IL1R2: variants seen among roughly 807,000 people sequenced by gnomAD.
IL1R2 encodes the protein interleukin-1 receptor type 2.
A neutral mutation model predicts 39.5 loss-of-function variants in IL1R2; 46 were observed. That is an observed-to-expected ratio of 1.16 (90% CI 0.92 to 1.49). The LOEUF (loss-of-function observed/expected upper bound fraction) is 1.49, where lower values mean the gene tolerates loss of function less well. Ranked by LOEUF, IL1R2 falls within the 40% of genes most tolerant of loss-of-function variation. The probability of loss-of-function intolerance (pLI) is 0.00; values close to 1 mark genes in which losing one functional copy is unlikely to be tolerated. For synonymous variants in IL1R2, 207 were observed against 189.6 expected, an observed-to-expected ratio of 1.09 and a Z score of -0.75; for missense variants, 537 against 502.0, an observed-to-expected ratio of 1.07 and a Z score of -0.67.
Position 102,015,957 on chromosome 2 carries a change from A to G in IL1R2, c.419A>G (p.Gln140Arg), listed in dbSNP as rs766781084. 5 of 1,613,994 alleles carry G rather than the reference A, an allele frequency of 3.1e-6. No homozygotes were observed. Among genetic ancestry groups the G allele is most frequent in the Non-Finnish European group, 4.2e-6 (5 of 1,179,882 alleles). The stretch of plus-strand genomic sequence containing the variant: ...TTCCTGCCGTTCATCTCATACCCGC[A>G]AATTTTAACCTTGTCAACCTCTGGG... ...DAFLPFISYP[Q>R]ILTLSTSGVL... Residue 140 changes from glutamine to arginine, a missense_variant, in exon 4 of 9, where the codon CAA becomes CGA. Gln to Arg is a conservative substitution (Grantham distance 43, BLOSUM62 1). Transcript: ENST00000332549.
rs1198434676 is a variant in IL1R2, at chr2:102,000,401, G to T, written c.-61-8114G>T. ...CCACTTCTCTGTCCAGGTACACTGT[G>T]CTCTTCTGTATACACTTTCTAACTC... On this transcript the variant is annotated intron_variant, in intron 1 of 8. Transcript: ENST00000332549. Among the ~76,000 whole-genome samples the T allele has an allele frequency of 3.3e-5, 5 of 152,290 alleles. No individual in the cohort carries two copies. The East Asian group carries it at 9.7e-4, about 29-fold the overall frequency.
chr2:102,007,990 T>G (rs1043199388), intron 1 of IL1R2, among the ~76,000 whole-genome samples: 1 of 152,196 alleles, frequency 6.6e-6, no homozygotes, highest in Non-Finnish European at 1.5e-5. Context: ...GGTCCCAAGT[T>G]TTTATTTTCC....
rs149120330 is a variant in IL1R2, at chr2:102,028,015, T to A, written c.1031-211T>A. On this transcript the variant is annotated intron_variant, in intron 8 of 8. Transcript: ENST00000332549. ...ACCCTACGATGTTTCTAACAGATTT[T>A]GCCCTATCACGCTCGTTTCTCTAAT... Among the ~76,000 whole-genome samples, 88 of 152,358 alleles carry A rather than the reference T, an allele frequency of 5.8e-4. No individual in the cohort carries two copies. The Middle Eastern group carries it at 0.014, about 24-fold the overall frequency.
chr2:102,008,689 G>T (rs763754545), intron 2 of IL1R2, 47 bp downstream of exon 2: 24 of 1,487,650 alleles, frequency 1.6e-5, no homozygotes, highest in Non-Finnish European at 2.3e-5. Flanking sequence ...CTGTAGCTTC[G>T]CTGGGGAAAG....
chr2:102,014,975 A>AATAATAATAATCATC (rs778619176), intron 3 of IL1R2, among the ~76,000 whole-genome samples: 1 of 138,350 alleles, frequency 7.2e-6, no homozygotes, highest in East Asian at 2.0e-4. Context: ...TAATAATAAT[A>AATAATAATAATCATC]ATCATATAAT....
In IL1R2 at chr2:102,008,586, T is replaced by A. The variant is rs1458012863; in HGVS notation, c.11T>A (p.Leu4Ter). Residue 4 changes from leucine to a stop codon, truncating the protein, a stop_gained, in exon 2 of 9, where the codon TTG becomes TAG. Transcript: ENST00000332549. LOFTEE classifies it high-confidence loss of function. The stretch of plus-strand genomic sequence containing the variant: ...AAGTTGTCAGGAGCAATGTTGCGCT[T>A]GTACGTGTTGGTAATGGGAGTTTCT... MLR[L>*]YVLVMGVSAF... is the part of the protein sequence containing the mutation. 6.2e-7 allele frequency: 1 copy of A among 1,614,102 alleles called. No individual in the cohort carries two copies.
At chr2:101,999,581 A>G (rs1675748707) in intron 1 of IL1R2, among the ~76,000 whole-genome samples, 1 of 152,228 alleles carries the variant, frequency 6.6e-6, no homozygotes, top group Non-Finnish European at 1.5e-5. Flanking sequence ...AGATTGACTT[A>G]GAGTTCCAGG....
rs190045520 is a variant in IL1R2 at position 102,020,417 on chromosome 2, C to A, written c.688+605C>A. Reference sequence around the variant, plus strand: ...ACATTTACTCCGTACCAACTGTGTGCCGGACATGGAGACAGGTGTAACCAT... The same window carrying A: ...ACATTTACTCCGTACCAACTGTGTGACGGACATGGAGACAGGTGTAACCAT... On this transcript the variant is annotated intron_variant, in intron 5 of 8. Transcript: ENST00000332549. Among the ~76,000 whole-genome samples, 334 of 152,254 alleles carry A rather than the reference C, an allele frequency of 2.2e-3. 6 individuals carry two copies. Among genetic ancestry groups the A allele is most frequent in the Admixed American group, 0.022 (333 of 15,290 alleles).
intron 1 of IL1R2, among the ~76,000 whole-genome samples, chr2:102,003,975 T>C (rs62154578): frequency 2.2e-5 from 3 of 138,872 alleles, no homozygotes; most frequent in Non-Finnish European, 3.2e-5. Context: ...GTCTAGGTCT[T>C]GGTCTCGGTC....
chr2:102,015,976 C>A lies in IL1R2; in HGVS notation c.438C>A (p.Thr146=). 1 of 1,613,848 alleles carries A rather than the reference C, an allele frequency of 6.2e-7. No homozygotes were observed. The highest frequency in any genetic ancestry group is 1.1e-5 in the South Asian group (1 of 91,074). ...ACCCGCAAATTTTAACCTTGTCAAC[C>A]TCTGGGGTATTAGTATGCCCTGACC... ...ISYPQILTLS[T]SGVLVCPDLS... The change falls in exon 4 of 9, where the codon ACC becomes ACA. Residue 146 remains threonine, a synonymous_variant. Transcript: ENST00000332549.
chr2:102,018,730 G>A lies in IL1R2; in HGVS notation c.514-908G>A, dbSNP rs572363497. Among the ~76,000 whole-genome samples the A allele has an allele frequency of 2.0e-5, 3 of 152,260 alleles. No homozygotes were observed. In the South Asian group the frequency reaches 6.2e-4, roughly 32 times the overall value. On this transcript the variant is annotated intron_variant, in intron 4 of 8. Transcript: ENST00000332549. ...TCCCAAGATCACACAGCCAGTAGAT[G>A]GTGAAGTCAAAACTCAAACCCAGGA...
chr2:101,996,252 C>G (rs563802570), intron 1 of IL1R2, among the ~76,000 whole-genome samples: 1 of 152,214 alleles, frequency 6.6e-6, no homozygotes, highest in South Asian at 2.1e-4. Flanking sequence ...CACCAAGGAG[C>G]GAGCTGGCCA....
At chr2:101,992,920 TTAC>T (rs2150415176) in intron 1 of IL1R2, among the ~76,000 whole-genome samples, 1 of 152,268 alleles carries the variant, frequency 6.6e-6, no homozygotes, top group Non-Finnish European at 1.5e-5. Flanking sequence ...GCTGGAAGCA[TTAC>T]TTGATATTTC....
rs371661087 is a variant in IL1R2 at position 102,016,051 on chromosome 2, G to T, written c.513G>T (p.Lys171Asn). 1.0e-5 allele frequency: 16 copies of T among 1,588,462 alleles called. No homozygotes were observed. The highest frequency in any genetic ancestry group is 2.7e-5 in the African/African-American group (2 of 74,094). The change falls in exon 4 of 9, where the codon AAG (lysine) becomes AAT (asparagine). Residue 171 changes from lysine (K) to asparagine (N), a missense_variant and splice_region_variant. Coordinates refer to ENST00000332549, the MANE Select transcript of IL1R2 (RefSeq NM_004633.4). Reference protein sequence around the residue: ...DKTDVKIQWYKDSLLLDKDNE... With the variant: ...DKTDVKIQWYNDSLLLDKDNE... The stretch of plus-strand genomic sequence containing the variant: ...CTGACGTGAAGATTCAATGGTACAA[G>T]GTACGGCTTTAAAAAATGCCATTTT...
chr2:102,018,641 C>A (rs902776301), intron 4 of IL1R2, among the ~76,000 whole-genome samples: 8 of 152,180 alleles, frequency 5.3e-5, no homozygotes, highest in Non-Finnish European at 8.8e-5. Flanking sequence ...CCCTGACATG[C>A]AACCCGATGA....
chr2:102,003,496 G>A (rs528681850), intron 1 of IL1R2, among the ~76,000 whole-genome samples: 74 of 127,004 alleles, frequency 5.8e-4, no homozygotes, highest in African/African-American at 2.1e-3. Context: ...GTCTATGTCT[G>A]TGTCTTTGTC....
At chr2:102,008,693 G>T (rs780614736) in intron 2 of IL1R2, 51 bp downstream of exon 2, 2 of 1,462,716 alleles carry the variant, frequency 1.4e-6, no homozygotes, top group Non-Finnish European at 1.9e-6. Context: ...AGCTTCGCTG[G>T]GGAAAGATGT....
At chr2:102,026,327 A>G (rs1677746751) in intron 8 of IL1R2, 74 bp downstream of exon 8, 4 of 1,130,094 alleles carry the variant, frequency 3.5e-6, no homozygotes, top group Non-Finnish European at 4.9e-6. Flanking sequence ...AGACAAATCT[A>G]CTTGTTCTCC....
chr2:102,008,185 C>T (rs1676381205), intron 1 of IL1R2, among the ~76,000 whole-genome samples: 1 of 152,184 alleles, frequency 6.6e-6, no homozygotes, highest in Non-Finnish European at 1.5e-5. Context: ...GCAGAAAGGG[C>T]ACTGGCAGTG....
Sources: gnomAD v4.1 joint callset for allele counts (sites outside exome capture counted in the v4.1 genomes callset) on GRCh38, gnomAD v4.1.1 for gene constraint, MANE v1.5 for transcripts, NCBI Gene and HGNC (gene_info 2026-07-23, HGNC 2026-07-21) for gene names.